The following FRYL variants were observed in gnomAD, a reference collection of about 807,000 sequenced individuals.
The protein encoded by FRYL is FRY like transcription coactivator.
A neutral mutation model predicts 351.2 loss-of-function variants in FRYL; 150 were observed. That is an observed-to-expected ratio of 0.43 (90% CI 0.37 to 0.49). The LOEUF (loss-of-function observed/expected upper bound fraction) is 0.49, where lower values mean the gene tolerates loss of function less well. Among genes scored for constraint, FRYL ranks in the 20% least tolerant of loss-of-function variants. FRYL has a pLI of 0.00. For synonymous variants in FRYL, 1,153 were observed against 1,257.1 expected (o/e 0.92, Z 1.75); for missense variants, 3,036 against 3,619.3 (o/e 0.84, Z 4.13).
At chr4:48,764,493 T>C (rs1408706799) in intron 1 of FRYL, among the ~76,000 whole-genome samples, 1 of 150,522 alleles carries the variant, frequency 6.6e-6, no homozygotes, top group African/African-American at 2.4e-5. Context: ...ATCATGCCAC[T>C]GTGCTCCAGC....
At position 48,654,593 on chromosome 4, in the gene FRYL, G is replaced by A. The variant is rs554292317; in HGVS notation, c.-80-20103C>T. On this transcript the variant is annotated intron_variant, in intron 3 of 63. Coordinates refer to ENST00000358350, the MANE Select transcript of FRYL (RefSeq NM_015030.2). The stretch of plus-strand genomic sequence containing the variant: ...CTCAGGACAAACTTTCCTCTGCTGC[G>A]TGCAACTTACTCAAAAGCGATAACT... Among the ~76,000 whole-genome samples the A allele has an allele frequency of 1.8e-4, 27 of 152,296 alleles. No homozygotes were observed. The East Asian group carries it at 2.5e-3, about 14-fold the overall frequency.
intron 1 of FRYL, among the ~76,000 whole-genome samples, chr4:48,778,482 C>A (rs1005289802): frequency 6.6e-6 from 1 of 152,174 alleles, no homozygotes; most frequent in African/African-American, 2.4e-5. Flanking sequence ...GAATAACACA[C>A]CCACTGCTAC....
chr4:48,627,074 T>C (rs952818148), intron 4 of FRYL, among the ~76,000 whole-genome samples: 3 of 152,146 alleles, frequency 2.0e-5, no homozygotes, highest in African/African-American at 2.4e-5. Flanking sequence ...TACAATAATA[T>C]ACTAATATAT....
intron 33 of FRYL, among the ~76,000 whole-genome samples, chr4:48,558,175 A>G (rs1406841794): frequency 1.3e-5 from 2 of 152,228 alleles, no homozygotes; most frequent in Non-Finnish European, 2.9e-5. Flanking sequence ...CTAAATGTCC[A>G]TTGACAGATG....
At chr4:48,691,831 C>T (rs1765706536) in intron 2 of FRYL, among the ~76,000 whole-genome samples, 1 of 151,848 alleles carries the variant, frequency 6.6e-6, no homozygotes, top group South Asian at 2.1e-4. Context: ...TGTATACAAC[C>T]GGAATCATAT....
intron 1 of FRYL, among the ~76,000 whole-genome samples, chr4:48,766,225 G>GTT (rs1208103603): frequency 1.3e-5 from 2 of 152,202 alleles, no homozygotes; most frequent in African/African-American, 2.4e-5. Context: ...ATGTGCTGTT[G>GTT]TGAGTCTGGT....
chr4:48,708,780 G>T (rs1232293263), intron 2 of FRYL, among the ~76,000 whole-genome samples: 1 of 152,106 alleles, frequency 6.6e-6, no homozygotes, highest in African/African-American at 2.4e-5. Context: ...TTTCTGTAGA[G>T]ATGGGGTCTT....
At chr4:48,679,127 G>A (rs1275341331) in intron 3 of FRYL, among the ~76,000 whole-genome samples, 1 of 151,966 alleles carries the variant, frequency 6.6e-6, no homozygotes, top group Admixed American at 6.6e-5. Context: ...ATACACTGTT[G>A]AACACAAAAC....
At chr4:48,724,383 C>T (rs1769844685) in intron 1 of FRYL, among the ~76,000 whole-genome samples, 1 of 152,172 alleles carries the variant, frequency 6.6e-6, no homozygotes, top group South Asian at 2.1e-4. Flanking sequence ...TTCCCCTGGG[C>T]ATGGCTTGCT....
chr4:48,667,743 G>A (rs1761982135), intron 3 of FRYL, among the ~76,000 whole-genome samples: 2 of 152,112 alleles, frequency 1.3e-5, no homozygotes, highest in South Asian at 4.1e-4. Flanking sequence ...CGCCTCCCAG[G>A]TTCAAGCAAT....
intron 1 of FRYL, among the ~76,000 whole-genome samples, chr4:48,732,504 T>C (rs1393142031): frequency 3.9e-5 from 6 of 152,046 alleles, no homozygotes; most frequent in Non-Finnish European, 4.4e-5. Context: ...CTATTCACAA[T>C]AGCAAAGACT....
chr4:48,584,584 C>T (rs1741686489), intron 19 of FRYL, among the ~76,000 whole-genome samples: 1 of 152,146 alleles, frequency 6.6e-6, no homozygotes, highest in Admixed American at 6.5e-5. Context: ...TGACAGTCCT[C>T]AATGATGTTG....
chr4:48,506,601 T>C (rs1720985845), intron 59 of FRYL: 1 of 116,342 alleles, frequency 8.6e-6, no homozygotes, highest in Non-Finnish European at 1.7e-5. Flanking sequence ...ATTATACTAT[T>C]AAACAATACA....
In FRYL at chr4:48,544,792, A is replaced by C. The variant is rs1226958294; in HGVS notation, c.5392T>G (p.Ser1798Ala). 1 of 1,595,068 alleles carries C rather than the reference A, an allele frequency of 6.3e-7. No homozygotes were observed. The highest frequency in any genetic ancestry group is 8.5e-7 in the Non-Finnish European group (1 of 1,173,804). ...LKHVVSVFKQ[S>A]SSEGIHLEHH... ...ATTTCTTAAAAGATACCTGAGCTTG[A>C]CTGCTTAAAAACAGAAACCACATGT... Residue 1798 changes from serine (S) to alanine (A), a missense_variant, in exon 43 of 64, where the codon TCA (serine) becomes GCA (alanine). Around this residue, in one of 7 missense-constraint regions of FRYL, gnomAD observed 1,987 missense variants for 2,311.7 expected, o/e 0.86. Transcript: ENST00000358350.
intron 1 of FRYL, among the ~76,000 whole-genome samples, chr4:48,712,296 A>T (rs1323111184): frequency 6.6e-6 from 1 of 152,154 alleles, no homozygotes; most frequent in South Asian, 2.1e-4. Flanking sequence ...TTCAAACCAA[A>T]GGCAAAGAAG....
At chr4:48,588,606 C>G (rs2149196003) in intron 18 of FRYL, among the ~76,000 whole-genome samples, 1 of 152,210 alleles carries the variant, frequency 6.6e-6, no homozygotes, top group East Asian at 1.9e-4. Context: ...GCTTTCAATC[C>G]ACCAATTAGA....
intron 3 of FRYL, among the ~76,000 whole-genome samples, chr4:48,676,608 G>T (rs1363222771): frequency 6.6e-6 from 1 of 151,486 alleles, no homozygotes; most frequent in Non-Finnish European, 1.5e-5. Flanking sequence ...AGCCAGGATG[G>T]TCTCAATCTC....
rs1453269905 is a variant in FRYL at position 48,567,507 on chromosome 4, T to C, written c.2997-87A>G. The C allele has an allele frequency of 2.1e-6, 2 of 953,194 alleles. No homozygotes were observed. Among genetic ancestry groups the C allele is most frequent in the Non-Finnish European group, 3.0e-6 (2 of 662,810 alleles). 59.0% of individuals were successfully genotyped at this position (953,194 alleles called of 1,614,324 possible). A position where few individuals can be genotyped will look rare whatever the true frequency, so the allele number is the denominator to read the frequency against. On this transcript the variant is annotated intron_variant, in intron 27 of 63. Coordinates refer to ENST00000358350, the MANE Select transcript of FRYL (RefSeq NM_015030.2). This position sits in a 1 kb window ranked among gnomAD's most constrained non-coding sequence, Gnocchi z 4.2. Reference sequence around the variant, plus strand: ...TTCTTAATACTCAAAATCAGAATAATACATGTTAATTTTGCATGCTCATGG... The same window carrying C: ...TTCTTAATACTCAAAATCAGAATAACACATGTTAATTTTGCATGCTCATGG...
chr4:48,595,462 T>C, intron 15 of FRYL, 128 bp downstream of exon 15: 1 of 517,248 alleles, frequency 1.9e-6, no homozygotes, highest in Non-Finnish European at 3.4e-6. Context: ...TGTAGATTAA[T>C]GAAATAAACT....
Sources: gnomAD v4.1 joint callset for allele counts (sites outside exome capture counted in the v4.1 genomes callset) on GRCh38, gnomAD v4.1.1 for gene constraint, gnomAD v4.1.1 regional missense constraint, Gnocchi (gnomAD v3.1) non-coding constraint, MANE v1.5 for transcripts, NCBI Gene and HGNC (gene_info 2026-07-23, HGNC 2026-07-21) for gene names.